TP63: variants seen among roughly 807,000 people sequenced by gnomAD.
TP63 encodes tumor protein p63, also known as tumor protein 63.
Under a neutral mutation model 82.8 loss-of-function variants are expected in TP63, and 17 were observed. The ratio of observed to expected loss-of-function variants is 0.21; its 90% CI spans 0.14 to 0.31. The LOEUF (loss-of-function observed/expected upper bound fraction) is 0.31, where lower values mean the gene tolerates loss of function less well. Ranked by LOEUF, TP63 falls within the 10% of genes least tolerant of loss-of-function variation. The pLI, the probability that TP63 is intolerant of heterozygous loss-of-function variation, is 1.00. For synonymous variants in TP63, 330 were observed against 321.7 expected, an observed-to-expected ratio of 1.03 and a Z score of -0.28; for missense variants, 648 against 895.3, an observed-to-expected ratio of 0.72 and a Z score of 3.52.
At chr3:189,741,194 C>T (rs1256250095) in intron 3 of TP63, among the ~76,000 whole-genome samples, 4 of 131,254 alleles carry the variant, frequency 3.0e-5, no homozygotes, top group African/African-American at 8.4e-5. Flanking sequence ...TGTGGCTGCT[C>T]TGTCTGTGGA....
Position 189,890,878 on chromosome 3 carries a change from T to C in TP63, c.1742T>C (p.Met581Thr). The change falls in exon 13 of 14, where the codon ATG (methionine) becomes ACG (threonine). Residue 581 changes from methionine to threonine, a missense_variant. Transcript: ENST00000264731. ...TTIYQIEHYSMDDLASLKIPE... is the reference protein window; with the variant it reads ...TTIYQIEHYSTDDLASLKIPE... ...ATCTATCAGATTGAGCATTACTCCA[T>C]GGATGTAAGTAACTGTTAGACTTTT... 1.2e-6 allele frequency: 2 copies of C among 1,613,668 alleles called. No individual in the cohort carries two copies. The highest frequency in any genetic ancestry group is 8.5e-7 in the Non-Finnish European group (1 of 1,179,666).
In TP63 at chr3:189,795,535, T is replaced by G. The variant is rs143012651; in HGVS notation, c.325-12737T>G. 3.2e-4 allele frequency among the ~76,000 whole-genome samples: 48 copies of G among 152,110 alleles called. No individual in the cohort carries two copies. The East Asian group carries it at 8.9e-3, about 28-fold the overall frequency. ...ATGTGGCGTGAGGGGAGGAAAGACA[T>G]TCTATGTAGAGGGGATAAAATTTAT... On this transcript the variant is annotated intron_variant, in intron 3 of 13. Transcript: ENST00000264731.
intron 3 of TP63, among the ~76,000 whole-genome samples, chr3:189,772,314 GA>G (rs988001737): frequency 1.2e-4 from 18 of 152,312 alleles, no homozygotes; most frequent in African/African-American, 3.8e-4. Flanking sequence ...GAAGCTCCTA[GA>G]AGTGAAGTGA....
chr3:189,614,822 T>G, the TP63 span, among the ~76,000 whole-genome samples: 3 of 152,326 alleles, frequency 2.0e-5, no homozygotes, highest in South Asian at 6.2e-4. Context: ...CTGAACTATA[T>G]GTATATCATA....
chr3:189,838,349 AATAG>A (rs1182265696), intron 4 of TP63, among the ~76,000 whole-genome samples: 3 of 152,306 alleles, frequency 2.0e-5, no homozygotes, highest in Admixed American at 1.3e-4. Flanking sequence ...AAAACATGTT[AATAG>A]ATAGATTCTA....
intron 3 of TP63, among the ~76,000 whole-genome samples, chr3:189,772,219 A>G (rs1012556338): frequency 6.6e-6 from 1 of 152,204 alleles, no homozygotes. Flanking sequence ...CTAATGCTCT[A>G]TTCACTCACT....
chr3:189,823,338 T>A (rs996863438), intron 4 of TP63, among the ~76,000 whole-genome samples: 2 of 152,186 alleles, frequency 1.3e-5, no homozygotes, highest in Non-Finnish European at 2.9e-5. Flanking sequence ...TGTGCTGACA[T>A]TGCATACTTT....
the TP63 span, among the ~76,000 whole-genome samples, chr3:189,624,844 C>T: frequency 6.6e-6 from 1 of 152,142 alleles, no homozygotes; most frequent in African/African-American, 2.4e-5. Flanking sequence ...GTTGAACCAA[C>T]ACACATGGGC....
intron 1 of TP63, among the ~76,000 whole-genome samples, chr3:189,721,661 G>A (rs1314434318): frequency 1.3e-5 from 2 of 152,078 alleles, no homozygotes; most frequent in Non-Finnish European, 2.9e-5. Flanking sequence ...GGAGGCTCTC[G>A]CTTGTTTCAC....
intron 1 of TP63, among the ~76,000 whole-genome samples, chr3:189,695,021 G>T (rs1304122243): frequency 6.6e-6 from 1 of 151,356 alleles, no homozygotes; most frequent in Non-Finnish European, 1.5e-5. Flanking sequence ...GGACCAGGCT[G>T]GTCTTGAACT....
At chr3:189,839,704 A>G (rs566762267) in intron 4 of TP63, among the ~76,000 whole-genome samples, 74 of 152,360 alleles carry the variant, frequency 4.9e-4, no homozygotes, top group African/African-American at 1.6e-3. Context: ...TGCAATCGTG[A>G]TAGCTGCTGT....
At chr3:189,849,796 G>A (rs1040256105) in intron 4 of TP63, among the ~76,000 whole-genome samples, 1 of 152,074 alleles carries the variant, frequency 6.6e-6, no homozygotes, top group African/African-American at 2.4e-5. Context: ...GAATTAATAA[G>A]CTTCACCTCT....
chr3:189,614,972 A>G, the TP63 span, among the ~76,000 whole-genome samples: 61 of 152,218 alleles, frequency 4.0e-4, no homozygotes, highest in African/African-American at 1.4e-3. Flanking sequence ...GTCCTGGCTC[A>G]ATTTGGACTG....
the TP63 span, among the ~76,000 whole-genome samples, chr3:189,597,884 G>T: frequency 0.013 from 1,884 of 150,510 alleles, 44 homozygotes; most frequent in African/African-American, 0.044. Context: ...AGCCATGATT[G>T]TACCACTATA....
chr3:189,811,066 A>G (rs997812355), intron 4 of TP63, among the ~76,000 whole-genome samples: 12 of 152,126 alleles, frequency 7.9e-5, no homozygotes, highest in Non-Finnish European at 1.6e-4. Flanking sequence ...GCCCTGACAA[A>G]AGGGATACAC....
intron 4 of TP63, among the ~76,000 whole-genome samples, chr3:189,841,561 GAA>G (rs530831512): frequency 5.9e-5 from 9 of 152,138 alleles, no homozygotes; most frequent in Non-Finnish European, 1.3e-4. Flanking sequence ...ATGTACAAAT[GAA>G]ACTCCAAAAC....
chr3:189,677,695 C>G (rs1434067632), intron 1 of TP63, among the ~76,000 whole-genome samples: 1 of 151,986 alleles, frequency 6.6e-6, no homozygotes, highest in Non-Finnish European at 1.5e-5. Flanking sequence ...AAAGGTTGCA[C>G]TAATTTATAT....
intron 9 of TP63, among the ~76,000 whole-genome samples, chr3:189,870,524 A>G (rs1169767173): frequency 1.3e-5 from 2 of 152,096 alleles, no homozygotes; most frequent in Non-Finnish European, 1.5e-5. Flanking sequence ...TTTAGTATCC[A>G]TGGGGGCCAG....
chr3:189,887,617 C>T (rs1193731578), intron 11 of TP63, among the ~76,000 whole-genome samples: 1 of 152,120 alleles, frequency 6.6e-6, no homozygotes, highest in African/African-American at 2.4e-5. Flanking sequence ...AAAAAAAAGT[C>T]GTGGTAAAAA....
Sources: gnomAD v4.1 joint callset for allele counts (sites outside exome capture counted in the v4.1 genomes callset) on GRCh38, gnomAD v4.1.1 for gene constraint, MANE v1.5 for transcripts, NCBI Gene and HGNC (gene_info 2026-07-23, HGNC 2026-07-21) for gene names.